The following COL25A1 variants were observed in gnomAD, a reference collection of about 807,000 sequenced individuals.
COL25A1 encodes the protein collagen type XXV alpha 1 chain.
Under a neutral mutation model 128.4 loss-of-function variants are expected in COL25A1, and 103 were observed. That is an observed-to-expected ratio of 0.80 (90% CI 0.68 to 0.94). COL25A1 has a LOEUF of 0.94. Among genes scored for constraint, COL25A1 ranks in the 40% least tolerant of loss-of-function variants. The pLI, the probability that COL25A1 is intolerant of heterozygous loss-of-function variation, is 0.00. For missense variants in COL25A1, 745 were observed against 840.0 expected (o/e 0.89, Z 1.40); for synonymous variants, 279 against 277.2 (o/e 1.01, Z -0.06).
chr4:109,179,200 A>T (rs1017702243), intron 3 of COL25A1, among the ~76,000 whole-genome samples: 5 of 152,282 alleles, frequency 3.3e-5, no homozygotes, highest in Admixed American at 6.5e-5. Context: ...ACTCTATTAA[A>T]TCAACATCTC....
rs201278912 is a variant in COL25A1, at chr4:109,050,126, G to C, written c.412+9C>G. 8 of 1,608,162 alleles carry C rather than the reference G, an allele frequency of 5.0e-6. No homozygotes were observed. Among genetic ancestry groups the C allele is most frequent in the South Asian group, 2.2e-5 (2 of 90,314 alleles). ...TGAGTGACACAGAGCAGCTGAAAGAGAGACTTACCAGATTCTCCTCTTCGG... is the reference window on the plus strand; with the variant it reads ...TGAGTGACACAGAGCAGCTGAAAGACAGACTTACCAGATTCTCCTCTTCGG... On this transcript the variant is annotated intron_variant, in intron 4 of 37. Coordinates refer to ENST00000399132, the MANE Select transcript of COL25A1 (RefSeq NM_198721.4).
At chr4:108,904,705 C>T (rs903140919) in intron 13 of COL25A1, among the ~76,000 whole-genome samples, 2 of 152,020 alleles carry the variant, frequency 1.3e-5, no homozygotes, top group Admixed American at 6.6e-5. Flanking sequence ...ACATTTCATA[C>T]TTAAAACACT....
chr4:109,284,902 A>G (rs1433885974), intron 3 of COL25A1, among the ~76,000 whole-genome samples: 2 of 151,956 alleles, frequency 1.3e-5, no homozygotes, highest in Non-Finnish European at 2.9e-5. Context: ...CATGTATAAA[A>G]AAAAAAACTT....
chr4:108,935,911 G>A (rs1747343067), intron 11 of COL25A1, among the ~76,000 whole-genome samples: 1 of 151,956 alleles, frequency 6.6e-6, no homozygotes, highest in Non-Finnish European at 1.5e-5. Flanking sequence ...TGCTGTGTTG[G>A]GTATCAGGGA....
chr4:108,825,966 T>C (rs1180478782), intron 33 of COL25A1, among the ~76,000 whole-genome samples: 1 of 152,156 alleles, frequency 6.6e-6, no homozygotes, highest in Admixed American at 6.6e-5. Context: ...TATGGATCCA[T>C]CCAAAGTTCA....
chr4:108,972,931 T>C (rs541899839), intron 8 of COL25A1, among the ~76,000 whole-genome samples: 1 of 152,292 alleles, frequency 6.6e-6, no homozygotes, highest in East Asian at 1.9e-4. Context: ...CAATCATCAC[T>C]CTTTTTAACG....
chr4:109,227,608 T>G (rs78623396), intron 3 of COL25A1, among the ~76,000 whole-genome samples: 4,706 of 152,236 alleles, frequency 0.031, 257 homozygotes, highest in African/African-American at 0.11. Flanking sequence ...TAATTAGCTT[T>G]TAAATTTTTA....
chr4:109,127,681 G>C (rs1025943864), intron 3 of COL25A1, among the ~76,000 whole-genome samples: 23 of 151,984 alleles, frequency 1.5e-4, no homozygotes, highest in African/African-American at 4.8e-4. Context: ...AGAAAAAAAA[G>C]AAGAAAAACC....
intron 3 of COL25A1, among the ~76,000 whole-genome samples, chr4:109,169,327 G>C (rs1450357058): frequency 2.6e-5 from 4 of 152,152 alleles, no homozygotes; most frequent in Non-Finnish European, 2.9e-5. Flanking sequence ...AGCCAGGAAT[G>C]ATTAACAAAG....
chr4:109,152,407 A>G (rs916178356), intron 3 of COL25A1, among the ~76,000 whole-genome samples: 4 of 152,340 alleles, frequency 2.6e-5, no homozygotes, highest in Admixed American at 6.5e-5. Flanking sequence ...CCTACACTGT[A>G]AAGTATATAG....
intron 24 of COL25A1, among the ~76,000 whole-genome samples, chr4:108,853,886 T>C (rs961854398): frequency 5.3e-5 from 8 of 152,322 alleles, no homozygotes; most frequent in African/African-American, 1.9e-4. Context: ...GTGGTGTATA[T>C]GTACCACATT....
intron 3 of COL25A1, among the ~76,000 whole-genome samples, chr4:109,186,083 C>T (rs1775105222): frequency 6.6e-6 from 1 of 152,234 alleles, no homozygotes; most frequent in African/African-American, 2.4e-5. Flanking sequence ...AATGAGGCAT[C>T]TCTCTTGCCA....
At chr4:109,223,805 C>G (rs564374322) in intron 3 of COL25A1, among the ~76,000 whole-genome samples, 2 of 152,158 alleles carry the variant, frequency 1.3e-5, no homozygotes, top group African/African-American at 4.8e-5. Flanking sequence ...ATGAAGAGAG[C>G]CTTTATTTCT....
intron 5 of COL25A1, among the ~76,000 whole-genome samples, chr4:109,020,697 T>C (rs764310406): frequency 3.9e-5 from 6 of 152,172 alleles, no homozygotes; most frequent in Non-Finnish European, 7.3e-5. Context: ...TTCTCTCTTA[T>C]AACTAACATG....
chr4:109,253,623 A>T (rs969493554), intron 3 of COL25A1, among the ~76,000 whole-genome samples: 1 of 152,196 alleles, frequency 6.6e-6, no homozygotes, highest in African/African-American at 2.4e-5. Context: ...TTGACACACA[A>T]AATTAACTAT....
In COL25A1 at chr4:108,944,696, C is replaced by CA. The variant is rs34005319; in HGVS notation, c.493-3260dup. ...TTTGATCGTATTTTCAAAATGCTCA[C>CA]AAAAAAAAAAGCCTTAAGTTTTATA... On this transcript the variant is annotated intron_variant, in intron 8 of 37. Transcript: ENST00000399132. Among the ~76,000 whole-genome samples the CA allele has an allele frequency of 5.8e-3, 827 of 143,306 alleles. 15 individuals carry two copies. In the East Asian group the frequency reaches 0.066, roughly 11 times the overall value. 94.0% of individuals were successfully genotyped at this position (143,306 alleles called of 152,430 possible). A position where few individuals can be genotyped will look rare whatever the true frequency, so the allele number is the denominator to read the frequency against.
intron 13 of COL25A1, among the ~76,000 whole-genome samples, chr4:108,916,380 C>T (rs1294065019): frequency 1.3e-5 from 2 of 152,084 alleles, no homozygotes; most frequent in Non-Finnish European, 2.9e-5. Flanking sequence ...TGTCACATTC[C>T]TTTCTCTTGC....
At chr4:109,118,195 T>C (rs949434486) in intron 3 of COL25A1, among the ~76,000 whole-genome samples, 13 of 151,896 alleles carry the variant, frequency 8.6e-5, no homozygotes, top group South Asian at 6.2e-4. Flanking sequence ...TAAAGACATA[T>C]AGACTAAAAG....
intron 3 of COL25A1, among the ~76,000 whole-genome samples, chr4:109,287,607 A>G (rs1196936291): frequency 1.3e-5 from 2 of 152,140 alleles, no homozygotes; most frequent in Non-Finnish European, 2.9e-5. Flanking sequence ...ATATTTCCCT[A>G]CAAAACCCAC....
Sources: allele counts gnomAD v4.1 joint callset (sites outside exome capture counted in the v4.1 genomes callset), GRCh38; gene constraint gnomAD v4.1.1; transcripts MANE v1.5; gene names NCBI Gene and HGNC (gene_info 2026-07-23, HGNC 2026-07-21).